The following AKAP6 variants were observed in gnomAD, a reference collection of about 807,000 sequenced individuals.
AKAP6 encodes A-kinase anchor protein 6.
Under a neutral mutation model 188.5 loss-of-function variants are expected in AKAP6, and 58 were observed. That is an observed-to-expected ratio of 0.31 (90% confidence interval 0.25 to 0.38). The LOEUF is 0.38. Among genes scored for constraint, AKAP6 ranks in the 10% least tolerant of loss-of-function variants. AKAP6 has a pLI of 1.00. For synonymous variants in AKAP6, 989 were observed against 998.6 expected (o/e 0.99, Z 0.18); for missense variants, 2,710 against 2,740.0 (o/e 0.99, Z 0.24).
chr14:32,481,703 A>G (rs1027885815), intron 2 of AKAP6, among the ~76,000 whole-genome samples: 8 of 152,156 alleles, frequency 5.3e-5, no homozygotes, highest in African/African-American at 1.9e-4. Context: ...ACAATTCAAC[A>G]TGAGATTTCG....
At chr14:32,704,045 G>A (rs1200083316) in intron 9 of AKAP6, among the ~76,000 whole-genome samples, 2 of 152,180 alleles carry the variant, frequency 1.3e-5, no homozygotes, top group African/African-American at 4.8e-5. Flanking sequence ...GAGAGGTAGA[G>A]TATTCCCCTC....
intron 1 of AKAP6, among the ~76,000 whole-genome samples, chr14:32,334,332 G>C (rs932787302): frequency 1.3e-5 from 2 of 152,118 alleles, no homozygotes; most frequent in African/African-American, 4.8e-5. Context: ...GTCCTGCCTG[G>C]GATGTGTATC....
intron 4 of AKAP6, among the ~76,000 whole-genome samples, chr14:32,557,663 A>G (rs1239220295): frequency 1.3e-5 from 2 of 152,204 alleles, no homozygotes; most frequent in Non-Finnish European, 2.9e-5. Flanking sequence ...GAGTATCCTT[A>G]TCAGGAAGCG....
chr14:32,704,269 A>G (rs1890724593), intron 9 of AKAP6, among the ~76,000 whole-genome samples: 1 of 152,204 alleles, frequency 6.6e-6, no homozygotes, highest in South Asian at 2.1e-4. Flanking sequence ...TTAAGTTGCA[A>G]AAAATTTCAG....
intron 2 of AKAP6, among the ~76,000 whole-genome samples, chr14:32,513,462 A>G (rs1566548581): frequency 1.3e-5 from 2 of 152,200 alleles, no homozygotes; most frequent in South Asian, 2.1e-4. Flanking sequence ...ATAGAGCCCT[A>G]AAAGAATGAG....
At chr14:32,600,529 T>C (rs1416806210) in intron 6 of AKAP6, 100 bp from the exon 7 acceptor site, 3 of 1,264,732 alleles carry the variant, frequency 2.4e-6, no homozygotes, top group Admixed American at 3.0e-5. Flanking sequence ...TTTAAAAATA[T>C]TTATATTGTT....
intron 7 of AKAP6, among the ~76,000 whole-genome samples, chr14:32,634,390 A>G (rs946766897): frequency 1.2e-4 from 19 of 152,030 alleles, no homozygotes; most frequent in Non-Finnish European, 5.9e-5. Context: ...ACTTATCTCA[A>G]TCCTAACCAA....
intron 12 of AKAP6, among the ~76,000 whole-genome samples, chr14:32,818,715 G>A (rs562667444): frequency 2.6e-3 from 399 of 152,218 alleles, no homozygotes; most frequent in African/African-American, 8.9e-3. Flanking sequence ...GTCAGAAAAC[G>A]ACTGTGTCAT....
chr14:32,774,254 TA>T (rs2032987754), intron 12 of AKAP6, among the ~76,000 whole-genome samples: 1 of 152,242 alleles, frequency 6.6e-6, no homozygotes, highest in Non-Finnish European at 1.5e-5. Flanking sequence ...AATCATACAA[TA>T]ACCCATGAAT....
chr14:32,410,377 T>A (rs952038306), intron 1 of AKAP6, among the ~76,000 whole-genome samples: 2 of 152,262 alleles, frequency 1.3e-5, no homozygotes, highest in Admixed American at 6.5e-5. Context: ...CCAGAAAAAA[T>A]TTAAATTTAC....
chr14:32,752,532 A>G (rs138524043), intron 11 of AKAP6, among the ~76,000 whole-genome samples: 12 of 152,340 alleles, frequency 7.9e-5, no homozygotes, highest in African/African-American at 2.9e-4. Flanking sequence ...ACATATTTAC[A>G]GTGTACATTG....
intron 11 of AKAP6, among the ~76,000 whole-genome samples, chr14:32,739,177 C>A (rs1033825125): frequency 1.8e-4 from 27 of 151,854 alleles, no homozygotes; most frequent in African/African-American, 6.3e-4. Flanking sequence ...CATCACCATC[C>A]TGAGACATAT....
rs1594999730 is a variant in AKAP6, at chr14:32,834,446, A to G, written c.*4641A>G. On this transcript the variant is annotated 3_prime_UTR_variant, in exon 14 of 14. Coordinates refer to ENST00000280979, the MANE Select transcript of AKAP6 (RefSeq NM_004274.5). ...TGATAGTTTATATTCAAGTTTCTCT[A>G]ACTACCCAAATTATGTCCTCTTATA... is the stretch of plus-strand genomic sequence containing the variant. 6.6e-6 allele frequency: 1 copy of G among 152,018 alleles called. No homozygotes were observed. Among genetic ancestry groups the G allele is most frequent in the East Asian group, 1.9e-4 (1 of 5,170 alleles). The allele number at this position is 152,018 out of a possible 1,614,324, so 9.4% of individuals were successfully genotyped here.
At chr14:32,602,889 A>G (rs1401625616) in intron 7 of AKAP6, among the ~76,000 whole-genome samples, 2 of 152,134 alleles carry the variant, frequency 1.3e-5, no homozygotes, top group African/African-American at 4.8e-5. Context: ...ACTGCCTTTC[A>G]CTGGCACTGC....
Position 32,824,405 on chromosome 14 carries a change from T to C in AKAP6, c.6592T>C (p.Phe2198Leu), listed in dbSNP as rs1383915753. Residue 2198 changes from phenylalanine to leucine, a missense_variant, in exon 13 of 14, where the codon TTC becomes CTC. Phe to Leu is a conservative substitution (Grantham distance 22, BLOSUM62 0). Around this residue, in one of 2 missense-constraint regions of AKAP6, gnomAD observed 2,473 missense variants for 2,426.1 expected, o/e 1.02. Transcript: ENST00000280979. The part of the protein sequence containing the change: ...PLQATACSSE[F>L]SDSSLSADDA... ...ACAAGCAACAGCATGTTCTTCTGAG[T>C]TCAGTGATAGTTCTCTTTCAGCTGA... 6.2e-7 allele frequency: 1 copy of C among 1,613,916 alleles called. No individual in the cohort carries two copies. Among genetic ancestry groups the C allele is most frequent in the Non-Finnish European group, 8.5e-7 (1 of 1,179,950 alleles).
chr14:32,568,061 C>T lies in AKAP6; in HGVS notation c.2347-9059C>T, dbSNP rs1884283337. On this transcript the variant is annotated intron_variant, in intron 4 of 13. Coordinates refer to ENST00000280979, the MANE Select transcript of AKAP6 (RefSeq NM_004274.5). This position sits in a 1 kb window ranked among gnomAD's most constrained non-coding sequence, Gnocchi z 6.2. ...AGTCAAGGAAGAAAGAAAAGAAAGG[C>T]TGAAAAGAGAGAGCACAGAGTACAG... Among the ~76,000 whole-genome samples the T allele has an allele frequency of 6.6e-6, 1 of 151,910 alleles. No homozygotes were observed.
At chr14:32,463,328 A>G (rs543229012) in intron 2 of AKAP6, among the ~76,000 whole-genome samples, 1 of 152,316 alleles carries the variant, frequency 6.6e-6, no homozygotes, top group African/African-American at 2.4e-5. Context: ...CACTTATTCT[A>G]AAATCAACCG....
At position 32,553,602 on chromosome 14, in the gene AKAP6, A is replaced by G. The variant is rs548943729; in HGVS notation, c.2346+6603A>G. ...TCACTCCATCTTGAATTCTCACTTCACCATATGTGATCACTATTGTTTTTA... is the reference window on the plus strand; with the variant it reads ...TCACTCCATCTTGAATTCTCACTTCGCCATATGTGATCACTATTGTTTTTA... On this transcript the variant is annotated intron_variant, in intron 4 of 13. Transcript: ENST00000280979. Among the ~76,000 whole-genome samples, 187 of 152,318 alleles carry G rather than the reference A, an allele frequency of 1.2e-3. 1 individual carries two copies. Among genetic ancestry groups the G allele is most frequent in the African/African-American group, 3.7e-3 (155 of 41,580 alleles).
intron 4 of AKAP6, among the ~76,000 whole-genome samples, chr14:32,575,259 A>G (rs1884665453): frequency 6.6e-6 from 1 of 152,190 alleles, no homozygotes; most frequent in South Asian, 2.1e-4. Context: ...GGGCAAAATG[A>G]ATGATCTTGC....
Sources: gnomAD v4.1 joint callset for allele counts (sites outside exome capture counted in the v4.1 genomes callset) on GRCh38, gnomAD v4.1.1 for gene constraint, gnomAD v4.1.1 regional missense constraint, Gnocchi (gnomAD v3.1) non-coding constraint, MANE v1.5 for transcripts, NCBI Gene and HGNC (gene_info 2026-07-23, HGNC 2026-07-21) for gene names.